Variants in PIEZO2 observed in about 807,000 individuals in gnomAD.
PIEZO2 encodes the protein piezo type mechanosensitive ion channel component 2.
In PIEZO2, 172 loss-of-function variants were observed where a neutral mutation model predicts 337.3. That is an observed-to-expected ratio of 0.51 (90% CI 0.45 to 0.58). The LOEUF is 0.58. PIEZO2 is among the 20% of genes least tolerant of loss of function. The probability of loss-of-function intolerance (pLI) is 0.00; values close to 1 mark genes in which losing one functional copy is unlikely to be tolerated. For synonymous variants in PIEZO2, 1,251 were observed against 1,228.5 expected (o/e 1.02, Z -0.38); for missense variants, 3,028 against 3,391.3 (o/e 0.89, Z 2.66).
In PIEZO2 at chr18:10,872,157, T is replaced by A. The variant is rs967343725; in HGVS notation, c.330-742A>T. On this transcript the variant is annotated intron_variant, in intron 4 of 55. Coordinates refer to ENST00000674853, the MANE Select transcript of PIEZO2 (RefSeq NM_001378183.1). This position sits in a 1 kb window ranked among gnomAD's most constrained non-coding sequence, Gnocchi z 4.3. ...ATACATGAAATAATGTTCGTGAAAGTTCTTTGTAAAGAATGAAACACATAT... is the reference window on the plus strand; with the variant it reads ...ATACATGAAATAATGTTCGTGAAAGATCTTTGTAAAGAATGAAACACATAT... 3.3e-5 allele frequency among the ~76,000 whole-genome samples: 5 copies of A among 152,184 alleles called. No individual in the cohort carries two copies. Among genetic ancestry groups the A allele is most frequent in the African/African-American group, 9.7e-5 (4 of 41,434 alleles).
chr18:10,723,348 A>G (rs1299394306), intron 36 of PIEZO2, among the ~76,000 whole-genome samples: 1 of 152,094 alleles, frequency 6.6e-6, no homozygotes, highest in Non-Finnish European at 1.5e-5. Flanking sequence ...GATCAGATCA[A>G]TTTGGATGGA....
chr18:11,015,713 A>G (rs2036094562), intron 2 of PIEZO2, among the ~76,000 whole-genome samples: 1 of 152,146 alleles, frequency 6.6e-6, no homozygotes, highest in Non-Finnish European at 1.5e-5. Context: ...AAGCTGCAGA[A>G]CAGGAACGAC....
At chr18:11,075,818 T>A (rs1289164090) in intron 1 of PIEZO2, among the ~76,000 whole-genome samples, 6 of 144,892 alleles carry the variant, frequency 4.1e-5, no homozygotes, top group Admixed American at 1.4e-4. Context: ...AGACAGAGTC[T>A]CGCTCTGTCA....
chr18:10,970,030 C>A (rs2034171086), intron 3 of PIEZO2, among the ~76,000 whole-genome samples: 1 of 152,040 alleles, frequency 6.6e-6, no homozygotes, highest in South Asian at 2.1e-4. Flanking sequence ...GAGGTTCTAC[C>A]CTTAATTTGA....
At position 11,148,428 on chromosome 18, in the gene PIEZO2, C is replaced by T. The variant is rs561355744; in HGVS notation, c.64+97G>A. Reference sequence around the variant, plus strand: ...ACGCCGCTGGCCTCCCGAATCGAACCCCAGAGCACCAGAGCCCTTCACTTT... The same window carrying T: ...ACGCCGCTGGCCTCCCGAATCGAACTCCAGAGCACCAGAGCCCTTCACTTT... On this transcript the variant is annotated intron_variant, in intron 1 of 55. Transcript: ENST00000674853. This position sits in a 1 kb window ranked among gnomAD's most constrained non-coding sequence, Gnocchi z 5.2. The T allele has an allele frequency of 9.1e-5, 125 of 1,379,588 alleles. 2 individuals are homozygous for T. The South Asian group carries it at 1.3e-3, about 15-fold the overall frequency. 85.5% of individuals were successfully genotyped at this position (1,379,588 alleles called of 1,614,324 possible).
chr18:11,006,067 C>T (rs1194416960), intron 2 of PIEZO2, among the ~76,000 whole-genome samples: 1 of 152,152 alleles, frequency 6.6e-6, no homozygotes, highest in Non-Finnish European at 1.5e-5. Flanking sequence ...TGTCTCTTTC[C>T]CTTGGCTCAG....
rs2039753639 is a variant in PIEZO2 at position 11,112,051 on chromosome 18, A to G, written c.64+36474T>C. Among the ~76,000 whole-genome samples the G allele has an allele frequency of 6.6e-6, 1 of 152,204 alleles. No homozygotes were observed. The highest frequency in any genetic ancestry group is 1.5e-5 in the Non-Finnish European group (1 of 68,028). ...GTCCTTTATATTAATAAAGAACTTC[A>G]CAGCTGAAAGGATTTTAAGACTTTT... On this transcript the variant is annotated intron_variant, in intron 1 of 55. Transcript: ENST00000674853. This position sits in a 1 kb window ranked among gnomAD's most constrained non-coding sequence, Gnocchi z 4.3.
At chr18:10,916,551 C>T (rs937684048) in intron 3 of PIEZO2, among the ~76,000 whole-genome samples, 9 of 152,152 alleles carry the variant, frequency 5.9e-5, no homozygotes, top group African/African-American at 1.9e-4. Flanking sequence ...ACTGCCAGGG[C>T]GTGCGGCACC....
chr18:10,772,197 T>G (rs577432920), intron 20 of PIEZO2, among the ~76,000 whole-genome samples: 1 of 152,198 alleles, frequency 6.6e-6, no homozygotes, highest in Non-Finnish European at 1.5e-5. Context: ...GGTTTTAGCA[T>G]CTACTGGGAG....
At chr18:10,960,102 G>T (rs751353646) in intron 3 of PIEZO2, among the ~76,000 whole-genome samples, 1 of 152,110 alleles carries the variant, frequency 6.6e-6, no homozygotes, top group Non-Finnish European at 1.5e-5. Context: ...TCATAAGGCT[G>T]TGAGCTTGAT....
chr18:10,810,227 A>G (rs1275862494), intron 7 of PIEZO2, among the ~76,000 whole-genome samples: 3 of 152,112 alleles, frequency 2.0e-5, no homozygotes, highest in Non-Finnish European at 4.4e-5. Context: ...ATACTTAAGA[A>G]CTCACAGATT....
chr18:10,720,163 A>G (rs2036196694), intron 36 of PIEZO2, among the ~76,000 whole-genome samples: 1 of 149,596 alleles, frequency 6.7e-6, no homozygotes, highest in South Asian at 2.1e-4. Context: ...TTGTTATGTT[A>G]AAAACTCAAA....
In PIEZO2 at chr18:10,980,723, A is replaced by G. The variant is rs1285079733; in HGVS notation, c.161-1063T>C. 6.6e-6 allele frequency among the ~76,000 whole-genome samples: 1 copy of G among 152,250 alleles called. No homozygotes were observed. The highest frequency in any genetic ancestry group is 6.5e-5 in the Admixed American group (1 of 15,292). On this transcript the variant is annotated intron_variant, in intron 2 of 55. Transcript: ENST00000674853. This position sits in a 1 kb window ranked among gnomAD's most constrained non-coding sequence, Gnocchi z 4.8. ...CAAAAATGAACATACCTCTTCATTAACAATAATCAAAAAGAAATAAGATGC... is the reference window on the plus strand; with the variant it reads ...CAAAAATGAACATACCTCTTCATTAGCAATAATCAAAAAGAAATAAGATGC...
chr18:11,071,741 T>C (rs571792702), intron 1 of PIEZO2, among the ~76,000 whole-genome samples: 1 of 152,280 alleles, frequency 6.6e-6, no homozygotes, highest in African/African-American at 2.4e-5. Context: ...GAAGCAAGCC[T>C]GACCCTTCCA....
chr18:10,844,041 A>T (rs1247776362), intron 7 of PIEZO2, among the ~76,000 whole-genome samples: 1 of 152,220 alleles, frequency 6.6e-6, no homozygotes, highest in Non-Finnish European at 1.5e-5. Flanking sequence ...CTATGTTATG[A>T]AGGTGATTAT....
intron 24 of PIEZO2, among the ~76,000 whole-genome samples, chr18:10,760,462 G>A (rs1402423671): frequency 5.3e-5 from 8 of 152,204 alleles, no homozygotes; most frequent in African/African-American, 7.2e-5. Context: ...GCACCACCAC[G>A]CCTGGATAAT....
chr18:11,030,988 A>G (rs1459653679), intron 2 of PIEZO2, among the ~76,000 whole-genome samples: 1 of 139,410 alleles, frequency 7.2e-6, no homozygotes, highest in East Asian at 1.9e-4. Flanking sequence ...TGCTTCTGGA[A>G]TTTTGTTGTT....
chr18:11,006,805 T>C (rs978167490), intron 2 of PIEZO2, among the ~76,000 whole-genome samples: 2 of 152,190 alleles, frequency 1.3e-5, no homozygotes, highest in African/African-American at 4.8e-5. Context: ...AGTATGTTCT[T>C]AGTAAAAAAA....
At chr18:10,916,984 C>T (rs1375497496) in intron 3 of PIEZO2, among the ~76,000 whole-genome samples, 1 of 152,108 alleles carries the variant, frequency 6.6e-6, no homozygotes, top group Non-Finnish European at 1.5e-5. Flanking sequence ...ATTCTGGAAG[C>T]CTGTGAATGC....
Sources: gnomAD v4.1 joint callset for allele counts (sites outside exome capture counted in the v4.1 genomes callset) on GRCh38, gnomAD v4.1.1 for gene constraint, Gnocchi (gnomAD v3.1) non-coding constraint, MANE v1.5 for transcripts, NCBI Gene and HGNC (gene_info 2026-07-23, HGNC 2026-07-21) for gene names.